Variants in CCDC7 observed in about 807,000 individuals in gnomAD.
CCDC7 encodes the protein coiled-coil domain-containing protein 7.
CCDC7 carries 183 observed loss-of-function variants against 196.9 expected under a neutral mutation model. The observed-to-expected ratio is 0.93, with a 90% CI of 0.82 to 1.05. The LOEUF (loss-of-function observed/expected upper bound fraction) is 1.05. Among genes scored for constraint, CCDC7 ranks in the 50% least tolerant of loss-of-function variants. The probability of loss-of-function intolerance (pLI) is 0.00; values close to 1 mark genes in which losing one functional copy is unlikely to be tolerated. For synonymous variants in CCDC7, 525 were observed against 484.6 expected (o/e 1.08, Z -1.10); for missense variants, 1,540 against 1,482.2 (o/e 1.04, Z -0.64).
intron 11 of CCDC7, among the ~76,000 whole-genome samples, chr10:32,536,244 T>C (rs1311543622): frequency 6.6e-6 from 1 of 152,010 alleles, no homozygotes; most frequent in East Asian, 1.9e-4. Flanking sequence ...AGGAAGAAAT[T>C]GGAGCAGTTA....
At chr10:32,645,989 TG>T (rs1334669112) in intron 20 of CCDC7, among the ~76,000 whole-genome samples, 1 of 152,002 alleles carries the variant, frequency 6.6e-6, no homozygotes, top group African/African-American at 2.4e-5. Flanking sequence ...TACAGCTTTT[TG>T]TTTTGTTCAT....
rs900192001 is a variant in CCDC7 at position 32,784,981 on chromosome 10, G to A, written c.3013+5897G>A. Among the ~76,000 whole-genome samples, 4 of 152,164 alleles carry A rather than the reference G, an allele frequency of 2.6e-5. 1 individual carries two copies. In the Middle Eastern group the frequency reaches 0.014, roughly 521 times the overall value. Reference sequence around the variant, plus strand: ...TGCGCCACTGCACTCCAGCCTGGGAGAGAGAGCAAGACTCTGTCTTAAAAA... The same window carrying A: ...TGCGCCACTGCACTCCAGCCTGGGAAAGAGAGCAAGACTCTGTCTTAAAAA... On this transcript the variant is annotated intron_variant, in intron 29 of 41. Coordinates refer to ENST00000639629, the Ensembl canonical transcript of CCDC7.
chr10:32,634,989 T>C (rs1018251759), intron 19 of CCDC7, 68 bp from the exon 21 acceptor site: 4 of 396,870 alleles, frequency 1.0e-5, no homozygotes, highest in African/African-American at 8.2e-5. Context: ...TTTACACAAA[T>C]GAGAGGAAGT....
chr10:32,456,344 C>T lies in CCDC7; in HGVS notation c.456+10C>T. On this transcript the variant is annotated intron_variant, in intron 3 of 41. Coordinates refer to ENST00000639629, the Ensembl canonical transcript of CCDC7. ...TAAAGAAGAACAAAATGTATGTATT[C>T]TGTATATACTGTCAAGTATAAAATA... 1 of 1,495,828 alleles carries T rather than the reference C, an allele frequency of 6.7e-7. No individual in the cohort carries two copies. Among genetic ancestry groups the T allele is most frequent in the East Asian group, 2.3e-5 (1 of 42,626 alleles). 92.7% of individuals were successfully genotyped at this position (1,495,828 alleles called of 1,614,324 possible).
chr10:32,686,104 CTT>C, intron 22 of CCDC7, 24 bp downstream of exon 23: 1 of 1,136,652 alleles, frequency 8.8e-7, no homozygotes, highest in Non-Finnish European at 1.3e-6. Context: ...TTACACATAA[CTT>C]TACATTATTT....
intron 20 of CCDC7, among the ~76,000 whole-genome samples, chr10:32,649,835 C>T (rs2068420106): frequency 6.6e-6 from 1 of 152,148 alleles, no homozygotes; most frequent in East Asian, 1.9e-4. Flanking sequence ...TTATGAAATT[C>T]TTGTAGTGAG....
intron 11 of CCDC7, among the ~76,000 whole-genome samples, chr10:32,537,584 A>G (rs2050732972): frequency 6.6e-6 from 1 of 152,196 alleles, no homozygotes; most frequent in Non-Finnish European, 1.5e-5. Flanking sequence ...TATGTCCAGA[A>G]TGGTATTTCC....
intron 33 of CCDC7, among the ~76,000 whole-genome samples, chr10:32,844,377 T>A (rs564948186): frequency 6.6e-6 from 1 of 151,994 alleles, no homozygotes; most frequent in East Asian, 1.9e-4. Flanking sequence ...CCACAAAATA[T>A]CTAATTATTT....
intron 13 of CCDC7, among the ~76,000 whole-genome samples, chr10:32,563,058 A>G (rs1334051011): frequency 6.6e-6 from 1 of 152,162 alleles, no homozygotes; most frequent in Non-Finnish European, 1.5e-5. Context: ...AATTGCTTCA[A>G]AGAGAATAAA....
chr10:32,498,642 A>T (rs145638357), intron 9 of CCDC7, among the ~76,000 whole-genome samples: 5 of 151,994 alleles, frequency 3.3e-5, no homozygotes, highest in African/African-American at 1.2e-4. Context: ...TTGCTTAGGA[A>T]GCTTAGTTTG....
chr10:32,542,375 G>T (rs932674732), intron 11 of CCDC7, among the ~76,000 whole-genome samples: 2 of 152,158 alleles, frequency 1.3e-5, no homozygotes, highest in Non-Finnish European at 2.9e-5. Flanking sequence ...TCTCGTGCCT[G>T]TAATCCCAGC....
intron 20 of CCDC7, 53 bp downstream of exon 21, chr10:32,635,211 C>T (rs1564901021): frequency 2.5e-6 from 1 of 395,116 alleles, no homozygotes; most frequent in Non-Finnish European, 4.5e-6. Context: ...TATTAAACAG[C>T]TTTTTTTATG....
intron 16 of CCDC7, among the ~76,000 whole-genome samples, chr10:32,573,404 A>G (rs1404771761): frequency 1.3e-5 from 2 of 152,202 alleles, no homozygotes; most frequent in African/African-American, 4.8e-5. Flanking sequence ...ATCTCAGAAA[A>G]TAGAAACACT....
intron 25 of CCDC7, among the ~76,000 whole-genome samples, chr10:32,723,543 A>G (rs2082703434): frequency 6.6e-6 from 1 of 152,108 alleles, no homozygotes; most frequent in Non-Finnish European, 1.5e-5. Flanking sequence ...ATCATGTTGG[A>G]TCAAATCTTT....
chr10:32,704,114 T>C (rs1405852402), intron 24 of CCDC7, among the ~76,000 whole-genome samples: 1 of 152,146 alleles, frequency 6.6e-6, no homozygotes, highest in Admixed American at 6.5e-5. Context: ...TTTTCCATTT[T>C]TCTGCTTTGT....
intron 28 of CCDC7, among the ~76,000 whole-genome samples, chr10:32,736,369 T>A (rs930696494): frequency 6.6e-6 from 1 of 152,160 alleles, no homozygotes; most frequent in Non-Finnish European, 1.5e-5. Flanking sequence ...TTTTCCTTTT[T>A]TTGTGGTTAA....
At chr10:32,669,962 G>A (rs1463402974) in intron 21 of CCDC7, among the ~76,000 whole-genome samples, 1 of 152,204 alleles carries the variant, frequency 6.6e-6, no homozygotes, top group Non-Finnish European at 1.5e-5. Context: ...CGTTTGCTTG[G>A]TGAGCATGGA....
chr10:32,840,677 A>G (rs1354491839), intron 33 of CCDC7, among the ~76,000 whole-genome samples: 1 of 151,300 alleles, frequency 6.6e-6, no homozygotes, highest in Non-Finnish European at 1.5e-5. Context: ...CCCTAATACC[A>G]AAACCAGGGA....
At chr10:32,544,889 CT>C (rs973785417) in intron 13 of CCDC7, among the ~76,000 whole-genome samples, 20 of 150,898 alleles carry the variant, frequency 1.3e-4, no homozygotes, top group Middle Eastern at 3.4e-3. Flanking sequence ...ATGTTAATTT[CT>C]TTTTTTTTGG....
Sources: gnomAD v4.1 joint callset for allele counts (sites outside exome capture counted in the v4.1 genomes callset) on GRCh38, gnomAD v4.1.1 for gene constraint, MANE v1.5 for transcripts, NCBI Gene and HGNC (gene_info 2026-07-23, HGNC 2026-07-21) for gene names.